HDAC8: variants seen among roughly 807,000 people sequenced by gnomAD.
HDAC8 encodes histone deacetylase 8.
Under a neutral mutation model 32.2 loss-of-function variants are expected in HDAC8, and 1 was observed. The observed-to-expected ratio is 0.03, with a 90% CI of 0.01 to 0.15. The LOEUF (loss-of-function observed/expected upper bound fraction) is 0.15. Ranked by LOEUF, HDAC8 falls within the 10% of genes least tolerant of loss-of-function variation. The pLI, the probability that HDAC8 is intolerant of heterozygous loss-of-function variation, is 1.00. For missense variants in HDAC8, 117 were observed against 300.0 expected (o/e 0.39, Z 4.51); for synonymous variants, 108 against 113.9 (o/e 0.95, Z 0.33).
intron 7 of HDAC8, among the ~76,000 whole-genome samples, chrX:72,465,253 A>G (rs1473578549): frequency 1.8e-5 from 2 of 111,779 alleles, no homozygotes; most frequent in African/African-American, 6.5e-5. Flanking sequence ...CTAAAGGGTT[A>G]TGAAATGCAA....
rs1452290404 is a variant in HDAC8 at position 72,568,768 on chromosome X, A to G, written c.281T>C (p.Ile94Thr). 32 of 1,210,531 alleles carry G rather than the reference A, an allele frequency of 2.6e-5. No homozygotes were observed. The highest frequency in any genetic ancestry group is 3.6e-5 in the Non-Finnish European group (32 of 895,222). Residue 94 changes from isoleucine (I) to threonine (T), a missense_variant, in exon 3 of 11, where the codon ATA (isoleucine) becomes ACA (threonine). Coordinates refer to ENST00000373573, the MANE Select transcript of HDAC8 (RefSeq NM_018486.3). ...AATGACTTTACCTAGCCCATATTCT[A>G]TGGAGTCCGGATGATCATCATCGCC... ...QEGDDDHPDS[I>T]EYGLGYDCPA...
rs183492208 is a variant in HDAC8 at position 72,546,499 on chromosome X, G to A, written c.437+21390C>T. On this transcript the variant is annotated intron_variant, in intron 4 of 10. Coordinates refer to ENST00000373573, the MANE Select transcript of HDAC8 (RefSeq NM_018486.3). ...ACAGAATAAGACACTAGAAAAGGCT[G>A]GTGGAAGGGTGAAGACTAGCCAGTC... Among the ~76,000 whole-genome samples, 19 of 111,059 alleles carry A rather than the reference G, an allele frequency of 1.7e-4. No individual in the cohort carries two copies. The Middle Eastern group carries it at 0.014, about 82-fold the overall frequency.
At chrX:72,510,903 T>A (rs1430935944) in intron 4 of HDAC8, among the ~76,000 whole-genome samples, 1 of 112,127 alleles carries the variant, frequency 8.9e-6, no homozygotes, top group Non-Finnish European at 1.9e-5. Context: ...TGAATTTTTC[T>A]TTTATGTACT....
chrX:72,495,011 A>G, intron 5 of HDAC8, 145 bp downstream of exon 5: 1 of 416,888 alleles, frequency 2.4e-6, no homozygotes, highest in Non-Finnish European at 4.1e-6. Flanking sequence ...CATCAATTAG[A>G]GGAATCACTA....
chrX:72,568,145 C>G, intron 3 of HDAC8, 115 bp from the exon 4 acceptor site: 1 of 572,993 alleles, frequency 1.7e-6, no homozygotes, highest in Non-Finnish European at 2.8e-6. Flanking sequence ...AATATCAGCT[C>G]CAACTGAGAC....
chrX:72,483,186 C>T (rs2148106838), intron 7 of HDAC8, among the ~76,000 whole-genome samples: 1 of 111,989 alleles, frequency 8.9e-6, no homozygotes, highest in Non-Finnish European at 1.9e-5. Flanking sequence ...CCCCAACTCT[C>T]CTTCTTGTGG....
chrX:72,417,234 G>A (rs1248219442), intron 9 of HDAC8, among the ~76,000 whole-genome samples: 1 of 111,405 alleles, frequency 9.0e-6, no homozygotes, highest in African/African-American at 3.3e-5. Context: ...CCTAGCCAGA[G>A]CAATCAGGCA....
intron 9 of HDAC8, among the ~76,000 whole-genome samples, chrX:72,371,139 A>G (rs1337959324): frequency 8.9e-6 from 1 of 111,978 alleles, no homozygotes; most frequent in Non-Finnish European, 1.9e-5. Flanking sequence ...AATATTTATC[A>G]GCTATGAAAT....
At chrX:72,562,114 CAG>C (rs1323479297) in intron 4 of HDAC8, among the ~76,000 whole-genome samples, 4 of 112,150 alleles carry the variant, frequency 3.6e-5, no homozygotes, top group African/African-American at 6.5e-5. Flanking sequence ...CTATGGAAAA[CAG>C]TGTGGAGACT....
intron 4 of HDAC8, among the ~76,000 whole-genome samples, chrX:72,562,984 C>T (rs1378313532): frequency 2.8e-5 from 3 of 107,751 alleles, no homozygotes; most frequent in African/African-American, 6.8e-5. Context: ...TGGGTTCAAG[C>T]GATTCTCCTG....
At chrX:72,540,469 T>A (rs782546614) in intron 4 of HDAC8, among the ~76,000 whole-genome samples, 1 of 111,540 alleles carries the variant, frequency 9.0e-6, no homozygotes, top group African/African-American at 3.2e-5. Context: ...GTTAATAGAA[T>A]TTCATTAAGC....
rs1439399512 is a variant in HDAC8 at position 72,506,423 on chromosome X, G to T, written c.438-11155C>A. Among the ~76,000 whole-genome samples the T allele has an allele frequency of 3.6e-5, 4 of 111,669 alleles. No homozygotes were observed. In the Admixed American group the frequency reaches 3.8e-4, roughly 11 times the overall value. ...CAGAAAGCAGAAGGAGAGCAGGTGT[G>T]TGCAAAGAGATCACATGGTGAGAGA... On this transcript the variant is annotated intron_variant, in intron 4 of 10. Transcript: ENST00000373573.
intron 7 of HDAC8, among the ~76,000 whole-genome samples, chrX:72,481,744 T>C (rs1451045563): frequency 9.2e-6 from 1 of 108,977 alleles, no homozygotes; most frequent in Non-Finnish European, 1.9e-5. Flanking sequence ...GCTGGGATTA[T>C]AGGTGCGCAC....
intron 10 of HDAC8, among the ~76,000 whole-genome samples, chrX:72,346,945 A>G (rs1804861080): frequency 9.0e-6 from 1 of 111,559 alleles, no homozygotes. Context: ...GCGATCGGAA[A>G]GAGCAGACGG....
intron 9 of HDAC8, among the ~76,000 whole-genome samples, chrX:72,456,752 T>C (rs1555989795): frequency 1.8e-5 from 2 of 110,898 alleles, no homozygotes; most frequent in African/African-American, 6.6e-5. Context: ...TGAGCCAAGA[T>C]TGCACCACTG....
chrX:72,393,641 G>A (rs189329540), intron 9 of HDAC8, among the ~76,000 whole-genome samples: 5 of 111,187 alleles, frequency 4.5e-5, no homozygotes, highest in East Asian at 2.8e-4. Context: ...ACATTTCTTC[G>A]CTTCTGGCAC....
intron 4 of HDAC8, among the ~76,000 whole-genome samples, chrX:72,554,164 T>TA (rs2051187544): frequency 9.0e-6 from 1 of 111,653 alleles, no homozygotes; most frequent in South Asian, 3.8e-4. Flanking sequence ...AAAATATGTT[T>TA]AAAAAATCAT....
At chrX:72,558,037 A>G (rs1556100885) in intron 4 of HDAC8, among the ~76,000 whole-genome samples, 4 of 112,108 alleles carry the variant, frequency 3.6e-5, no homozygotes, top group African/African-American at 1.3e-4. Context: ...AACCAGGAAC[A>G]TAAAGCATCT....
At chrX:72,472,028 G>A (rs1002120986) in intron 7 of HDAC8, among the ~76,000 whole-genome samples, 3 of 108,788 alleles carry the variant, frequency 2.8e-5, no homozygotes, top group Non-Finnish European at 5.7e-5. Flanking sequence ...TTTATATATG[G>A]TGCGAGGTAA....
Sources: allele counts gnomAD v4.1 joint callset (sites outside exome capture counted in the v4.1 genomes callset), GRCh38; gene constraint gnomAD v4.1.1; transcripts MANE v1.5; gene names NCBI Gene and HGNC (gene_info 2026-07-23, HGNC 2026-07-21).